Variants in DLG2 observed in about 807,000 individuals in gnomAD.
The protein encoded by DLG2 is disks large homolog 2.
A neutral mutation model predicts 132.5 loss-of-function variants in DLG2; 45 were observed. That is an observed-to-expected ratio of 0.34 (90% CI 0.27 to 0.44). The LOEUF (loss-of-function observed/expected upper bound fraction) is 0.44. Among genes scored for constraint, DLG2 ranks in the 20% least tolerant of loss-of-function variants. DLG2 has a pLI of 1.00. For synonymous variants in DLG2, 424 were observed against 419.6 expected (o/e 1.01, Z -0.13); for missense variants, 1,045 against 1,196.9 (o/e 0.87, Z 1.87).
At chr11:84,972,902 T>C (rs1478142149) in intron 6 of DLG2, among the ~76,000 whole-genome samples, 2 of 152,090 alleles carry the variant, frequency 1.3e-5, no homozygotes, top group African/African-American at 2.4e-5. Flanking sequence ...CCACTGTCCA[T>C]TGTATTCTAG....
intron 6 of DLG2, among the ~76,000 whole-genome samples, chr11:85,063,196 C>T (rs2064366043): frequency 6.6e-6 from 1 of 151,784 alleles, no homozygotes; most frequent in Non-Finnish European, 1.5e-5. Flanking sequence ...AAAATTACTT[C>T]ATTTCTTCAC....
At chr11:84,709,395 G>A (rs1323954515) in intron 6 of DLG2, among the ~76,000 whole-genome samples, 1 of 151,960 alleles carries the variant, frequency 6.6e-6, no homozygotes, top group East Asian at 1.9e-4. Flanking sequence ...CTACATCTGA[G>A]AGAGTAAGAG....
At chr11:84,483,073 G>A (rs1175309110) in intron 7 of DLG2, among the ~76,000 whole-genome samples, 1 of 152,014 alleles carries the variant, frequency 6.6e-6, no homozygotes, top group Non-Finnish European at 1.5e-5. Flanking sequence ...CATATAACCT[G>A]GAAACAAATG....
At chr11:85,502,262 C>T (rs1480405019) in intron 3 of DLG2, among the ~76,000 whole-genome samples, 1 of 151,738 alleles carries the variant, frequency 6.6e-6, no homozygotes, top group Admixed American at 6.6e-5. Context: ...ACACCAGGAC[C>T]TGTGTGGGGT....
chr11:84,642,908 G>C (rs2099669660), intron 6 of DLG2, among the ~76,000 whole-genome samples: 1 of 152,034 alleles, frequency 6.6e-6, no homozygotes, highest in Non-Finnish European at 1.5e-5. Flanking sequence ...TATTTTAAAA[G>C]AATCAAGAAA....
At chr11:84,231,293 T>G (rs569278372) in intron 8 of DLG2, among the ~76,000 whole-genome samples, 1 of 152,188 alleles carries the variant, frequency 6.6e-6, no homozygotes, top group Non-Finnish European at 1.5e-5. Flanking sequence ...ATCTTAACTA[T>G]GGAGCACCTT....
intron 6 of DLG2, among the ~76,000 whole-genome samples, chr11:84,977,657 T>A (rs916450053): frequency 6.6e-6 from 1 of 152,196 alleles, no homozygotes; most frequent in Non-Finnish European, 1.5e-5. Flanking sequence ...TAGGAGTCTG[T>A]AAAATAGCAT....
At chr11:84,596,190 G>GTCTC (rs59824224) in intron 6 of DLG2, among the ~76,000 whole-genome samples, 24,192 of 144,674 alleles carry the variant, frequency 0.17, 2,193 homozygotes, top group South Asian at 0.25. Flanking sequence ...TCTTTTCTCT[G>GTCTC]TCTCTCTCTC....
intron 4 of DLG2, among the ~76,000 whole-genome samples, chr11:85,192,936 T>C (rs1463369260): frequency 6.6e-6 from 1 of 152,214 alleles, no homozygotes; most frequent in Non-Finnish European, 1.5e-5. Flanking sequence ...AACTGAAATA[T>C]AACTTTCTGT....
At chr11:83,880,755 G>A (rs1174899264) in intron 15 of DLG2, among the ~76,000 whole-genome samples, 1 of 152,160 alleles carries the variant, frequency 6.6e-6, no homozygotes, top group East Asian at 1.9e-4. Context: ...TACAAGATTA[G>A]CTTGATGAAC....
At chr11:85,591,780 A>C (rs1177944327) in intron 3 of DLG2, among the ~76,000 whole-genome samples, 1 of 152,186 alleles carries the variant, frequency 6.6e-6, no homozygotes, top group Non-Finnish European at 1.5e-5. Context: ...TTCTACTGTT[A>C]AGGTTAAGCC....
At chr11:84,124,712 T>C (rs890414219) in intron 9 of DLG2, among the ~76,000 whole-genome samples, 2 of 152,320 alleles carry the variant, frequency 1.3e-5, no homozygotes, top group African/African-American at 4.8e-5. Flanking sequence ...CTCTCATGGA[T>C]ATCTTATTTT....
chr11:85,098,886 TCCCTCACTGCTATCCCTTCTCCA>T (rs1267166064), intron 6 of DLG2, among the ~76,000 whole-genome samples: 1 of 152,222 alleles, frequency 6.6e-6, no homozygotes, highest in Non-Finnish European at 1.5e-5. Context: ...GTACATATTT[TCCCTCACTGCTATCCCTTCTCCA>T]CCTGCTCCAG....
chr11:85,365,629 C>A (rs1295147752), intron 3 of DLG2, among the ~76,000 whole-genome samples: 1 of 152,160 alleles, frequency 6.6e-6, no homozygotes, highest in Admixed American at 6.5e-5. Context: ...AAGACACATG[C>A]ACATGTATGT....
chr11:84,843,954 C>T (rs576455773), intron 6 of DLG2, among the ~76,000 whole-genome samples: 4 of 150,408 alleles, frequency 2.7e-5, no homozygotes, highest in Admixed American at 2.0e-4. Flanking sequence ...TATTTATATA[C>T]ATATATCCCC....
At chr11:83,812,325 G>A (rs1358129116) in intron 17 of DLG2, among the ~76,000 whole-genome samples, 1 of 152,104 alleles carries the variant, frequency 6.6e-6, no homozygotes, top group Non-Finnish European at 1.5e-5. Flanking sequence ...GTGTTTAACA[G>A]TAATAGATGG....
chr11:85,600,524 AAAT>A (rs1231098346), intron 2 of DLG2, among the ~76,000 whole-genome samples: 4 of 152,360 alleles, frequency 2.6e-5, no homozygotes, highest in Admixed American at 1.3e-4. Context: ...ACCAGTCTAC[AAAT>A]AATAATAAGA....
chr11:84,868,127 T>A (rs1600291088), intron 6 of DLG2, among the ~76,000 whole-genome samples: 1 of 147,778 alleles, frequency 6.8e-6, no homozygotes, highest in South Asian at 2.1e-4. Flanking sequence ...ATAATTATAT[T>A]TATTAATATT....
intron 7 of DLG2, among the ~76,000 whole-genome samples, chr11:84,494,414 G>A (rs1326564495): frequency 6.6e-6 from 1 of 152,120 alleles, no homozygotes; most frequent in Non-Finnish European, 1.5e-5. Flanking sequence ...TAAAATCTAA[G>A]ACTTTCTTCC....
Sources: allele counts gnomAD v4.1 joint callset (sites outside exome capture counted in the v4.1 genomes callset), GRCh38; gene constraint gnomAD v4.1.1; transcripts MANE v1.5; gene names NCBI Gene and HGNC (gene_info 2026-07-23, HGNC 2026-07-21).